The following CCDC91 variants were observed in gnomAD, a reference collection of about 807,000 sequenced individuals.
The protein encoded by CCDC91 is coiled-coil domain-containing protein 91.
CCDC91 carries 48 observed loss-of-function variants against 63.2 expected under a neutral mutation model. The ratio of observed to expected loss-of-function variants is 0.76; its 90% CI spans 0.60 to 0.97. The LOEUF (loss-of-function observed/expected upper bound fraction) is 0.97, where lower values mean the gene tolerates loss of function less well. Among genes scored for constraint, CCDC91 ranks in the 50% least tolerant of loss-of-function variants. The pLI, the probability that CCDC91 is intolerant of heterozygous loss-of-function variation, is 0.00. For synonymous variants in CCDC91, 167 were observed against 165.8 expected, an observed-to-expected ratio of 1.01 and a Z score of -0.06; for missense variants, 500 against 494.6, an observed-to-expected ratio of 1.01 and a Z score of -0.10.
rs1949857224 is a variant in CCDC91, at chr12:28,452,499, G to A, written c.946G>A (p.Asp316Asn). Residue 316 changes from aspartate to asparagine, a missense_variant, in exon 11 of 13, where the codon GAT becomes AAT. Coordinates refer to ENST00000536442, the MANE Select transcript of CCDC91 (RefSeq NM_018318.5). ...AAKLEKEAVK[D>N]AVLKVVEEER... is the part of the protein sequence containing the mutation. ...GAAGCTTGAAAAAGAAGCAGTGAAG[G>A]ATGCAGTTTTAAAAGTCGTAGAAGA... 1.9e-6 allele frequency: 3 copies of A among 1,571,830 alleles called. No individual in the cohort carries two copies. Among genetic ancestry groups the A allele is most frequent in the Non-Finnish European group, 2.6e-6 (3 of 1,159,584 alleles).
intron 11 of CCDC91, among the ~76,000 whole-genome samples, chr12:28,473,733 A>G (rs2140717386): frequency 6.6e-6 from 1 of 152,184 alleles, no homozygotes; most frequent in African/African-American, 2.4e-5. Context: ...CTCAAAAATC[A>G]TTTACTTTGT....
At chr12:28,402,193 C>T (rs1000378598) in intron 8 of CCDC91, among the ~76,000 whole-genome samples, 7 of 152,174 alleles carry the variant, frequency 4.6e-5, no homozygotes, top group African/African-American at 7.2e-5. Context: ...CCATGGCACA[C>T]GCTCAGTTGT....
At chr12:28,534,702 A>G (rs1460326069) in intron 12 of CCDC91, among the ~76,000 whole-genome samples, 1 of 152,198 alleles carries the variant, frequency 6.6e-6, no homozygotes, top group African/African-American at 2.4e-5. Flanking sequence ...TGGAATCCAT[A>G]TTGGTACTTT....
intron 8 of CCDC91, among the ~76,000 whole-genome samples, chr12:28,426,264 A>G (rs529180923): frequency 1.3e-5 from 2 of 152,258 alleles, no homozygotes; most frequent in African/African-American, 4.8e-5. Flanking sequence ...GTGTAGTTTG[A>G]ATATAATACA....
At chr12:28,533,428 A>G (rs1941904902) in intron 12 of CCDC91, among the ~76,000 whole-genome samples, 1 of 152,042 alleles carries the variant, frequency 6.6e-6, no homozygotes, top group Admixed American at 6.6e-5. Context: ...GCTGTAAAAT[A>G]TGTACTATCT....
chr12:28,530,112 C>T (rs1215694643), intron 12 of CCDC91, among the ~76,000 whole-genome samples: 1 of 152,152 alleles, frequency 6.6e-6, no homozygotes, highest in African/African-American at 2.4e-5. Context: ...ATTTCCCTTC[C>T]CCTTTAATAT....
chr12:28,421,432 C>G (rs945464080), intron 8 of CCDC91, among the ~76,000 whole-genome samples: 5 of 152,022 alleles, frequency 3.3e-5, no homozygotes, highest in African/African-American at 1.2e-4. Flanking sequence ...CAGTGTTTAG[C>G]TCCCACTTAG....
At chr12:28,215,396 A>G (rs1348933376) in intron 1 of CCDC91, among the ~76,000 whole-genome samples, 1 of 152,116 alleles carries the variant, frequency 6.6e-6, no homozygotes, top group Non-Finnish European at 1.5e-5. Flanking sequence ...CTTTTTCTGG[A>G]GAACCCTGAT....
At chr12:28,519,553 CTCTTT>C (rs982398462) in intron 12 of CCDC91, among the ~76,000 whole-genome samples, 19 of 151,240 alleles carry the variant, frequency 1.3e-4, no homozygotes, top group African/African-American at 4.4e-4. Flanking sequence ...TTGTATCTTT[CTCTTT>C]TCTTTTTTTT....
intron 11 of CCDC91, among the ~76,000 whole-genome samples, chr12:28,465,333 T>C (rs1265383525): frequency 1.3e-5 from 2 of 152,096 alleles, no homozygotes; most frequent in Non-Finnish European, 2.9e-5. Context: ...CCTTGCCACC[T>C]CCTAATTGTA....
At chr12:28,428,501 G>A (rs1210179047) in intron 8 of CCDC91, among the ~76,000 whole-genome samples, 4 of 148,078 alleles carry the variant, frequency 2.7e-5, no homozygotes, top group East Asian at 2.0e-4. Flanking sequence ...CCCAGGAGGC[G>A]GAGGTTGCAG....
At chr12:28,365,774 T>G (rs1397431661) in intron 7 of CCDC91, among the ~76,000 whole-genome samples, 3 of 152,196 alleles carry the variant, frequency 2.0e-5, no homozygotes, top group African/African-American at 7.2e-5. Flanking sequence ...ATAGCATTCC[T>G]TGACATTTCA....
chr12:28,396,995 A>G (rs1946333443), intron 8 of CCDC91, among the ~76,000 whole-genome samples: 1 of 152,174 alleles, frequency 6.6e-6, no homozygotes. Flanking sequence ...ATAGATGGTC[A>G]TTGAAAGTGT....
intron 3 of CCDC91, among the ~76,000 whole-genome samples, chr12:28,290,361 G>C (rs752016653): frequency 6.6e-6 from 1 of 152,066 alleles, no homozygotes; most frequent in Non-Finnish European, 1.5e-5. Context: ...CTTGTTAAGA[G>C]TTTTCTCCAT....
chr12:28,243,829 CT>C (rs1431394273), intron 1 of CCDC91, among the ~76,000 whole-genome samples: 1 of 150,572 alleles, frequency 6.6e-6, no homozygotes, highest in East Asian at 1.9e-4. Context: ...ATAAATAAGT[CT>C]CTACCAAAAT....
At chr12:28,251,547 T>A (rs985088712) in intron 1 of CCDC91, among the ~76,000 whole-genome samples, 2 of 151,948 alleles carry the variant, frequency 1.3e-5, no homozygotes, top group African/African-American at 4.8e-5. Context: ...TGCCATGTTG[T>A]TTTTTTGTGC....
At chr12:28,340,726 G>A (rs535758493) in intron 6 of CCDC91, among the ~76,000 whole-genome samples, 3 of 152,282 alleles carry the variant, frequency 2.0e-5, no homozygotes, top group East Asian at 3.9e-4. Flanking sequence ...CAGTGTCTAG[G>A]GGTGAATGTT....
chr12:28,506,412 A>G (rs190424662), intron 12 of CCDC91, among the ~76,000 whole-genome samples: 8 of 152,086 alleles, frequency 5.3e-5, no homozygotes, highest in Admixed American at 5.2e-4. Flanking sequence ...GGAAGCATCT[A>G]ATTGAACTAG....
At chr12:28,304,333 C>T (rs542718702) in intron 3 of CCDC91, among the ~76,000 whole-genome samples, 5 of 133,090 alleles carry the variant, frequency 3.8e-5, no homozygotes, top group South Asian at 2.3e-4. Context: ...GCCAAGATCA[C>T]GCCATTGTAC....
Sources: gnomAD v4.1 joint callset for allele counts (sites outside exome capture counted in the v4.1 genomes callset) on GRCh38, gnomAD v4.1.1 for gene constraint, MANE v1.5 for transcripts, NCBI Gene and HGNC (gene_info 2026-07-23, HGNC 2026-07-21) for gene names.